CSMD3: variants seen among roughly 807,000 people sequenced by gnomAD.
The protein encoded by CSMD3 is CUB and Sushi multiple domains 3, also known as CUB and sushi domain-containing protein 3.
In CSMD3, 177 loss-of-function variants were observed where a neutral mutation model predicts 435.2. The observed-to-expected ratio is 0.41, with a 90% CI of 0.36 to 0.46. The LOEUF is 0.46. Among genes scored for constraint, CSMD3 ranks in the 20% least tolerant of loss-of-function variants. The pLI, the probability that CSMD3 is intolerant of heterozygous loss-of-function variation, is 0.34. For missense variants in CSMD3, 4,265 were observed against 4,504.6 expected (o/e 0.95, Z 1.52); for synonymous variants, 1,656 against 1,520.5 (o/e 1.09, Z -2.07).
chr8:112,912,884 T>C (rs1274995081), intron 10 of CSMD3, among the ~76,000 whole-genome samples: 3 of 151,818 alleles, frequency 2.0e-5, no homozygotes, highest in Non-Finnish European at 4.4e-5. Context: ...AACAACTCAA[T>C]TAAGAATGGA....
chr8:112,408,801 T>G, intron 33 of CSMD3, 118 bp downstream of exon 33: 1 of 1,525,050 alleles, frequency 6.6e-7, no homozygotes, highest in Non-Finnish European at 8.9e-7. Context: ...AAGGTGACAC[T>G]ATTTTCAGTT....
intron 32 of CSMD3, among the ~76,000 whole-genome samples, chr8:112,420,043 T>G (rs1812312077): frequency 6.6e-6 from 1 of 152,204 alleles, no homozygotes; most frequent in Non-Finnish European, 1.5e-5. Context: ...TCATATTTTT[T>G]TTTACACATT....
At position 113,368,205 on chromosome 8, in the gene CSMD3, T is replaced by G. The variant is rs545227557; in HGVS notation, c.179-53412A>C. Among the ~76,000 whole-genome samples the G allele has an allele frequency of 3.9e-5, 6 of 152,268 alleles. No homozygotes were observed. In the East Asian group the frequency reaches 9.7e-4, roughly 25 times the overall value. ...TAAAGCAATACTTTCCCCTTTTGAC[T>G]AATACTAACTCACCTTCCCAGCTGT... On this transcript the variant is annotated intron_variant, in intron 1 of 70. Coordinates refer to ENST00000297405, the MANE Select transcript of CSMD3 (RefSeq NM_198123.2).
intron 47 of CSMD3, among the ~76,000 whole-genome samples, chr8:112,317,706 AC>A (rs1042066124): frequency 1.3e-5 from 2 of 151,904 alleles, no homozygotes; most frequent in Non-Finnish European, 2.9e-5. Context: ...TCCAATTTAT[AC>A]CCCCACACCC....
At chr8:112,506,463 C>A (rs190821769) in intron 29 of CSMD3, among the ~76,000 whole-genome samples, 2 of 152,040 alleles carry the variant, frequency 1.3e-5, no homozygotes, top group Admixed American at 6.6e-5. Flanking sequence ...TTTTGTGATG[C>A]CAGCTGTTAG....
chr8:112,509,402 T>C (rs879449380), intron 28 of CSMD3, among the ~76,000 whole-genome samples: 3 of 152,176 alleles, frequency 2.0e-5, no homozygotes, highest in Non-Finnish European at 4.4e-5. Flanking sequence ...TAGATGTCTT[T>C]ATATGGTCCT....
At chr8:112,896,744 T>C (rs150834110) in intron 10 of CSMD3, among the ~76,000 whole-genome samples, 7 of 151,506 alleles carry the variant, frequency 4.6e-5, no homozygotes, top group Non-Finnish European at 1.0e-4. Context: ...TTTCCACTTA[T>C]ATTTGGTTCC....
At chr8:112,773,140 C>T (rs1042543877) in intron 13 of CSMD3, among the ~76,000 whole-genome samples, 1 of 151,652 alleles carries the variant, frequency 6.6e-6, no homozygotes, top group Non-Finnish European at 1.5e-5. Context: ...GGGCAACCCA[C>T]CCGTTCAAAA....
intron 2 of CSMD3, among the ~76,000 whole-genome samples, chr8:113,296,315 A>AATG (rs1448861217): frequency 6.6e-6 from 1 of 150,788 alleles, no homozygotes; most frequent in African/African-American, 2.4e-5. Context: ...TAATAATAAT[A>AATG]ATAGAACAGC....
At chr8:113,018,760 G>C (rs545424336) in intron 6 of CSMD3, 2 of 320,552 alleles carry the variant, frequency 6.2e-6, no homozygotes, top group Admixed American at 4.5e-5. Flanking sequence ...AGTGATTTGC[G>C]GTACAACTTC....
At chr8:112,559,393 G>A (rs1828413169) in intron 24 of CSMD3, among the ~76,000 whole-genome samples, 1 of 151,820 alleles carries the variant, frequency 6.6e-6, no homozygotes, top group Non-Finnish European at 1.5e-5. Context: ...CACCTTCCAG[G>A]AGAGGAGAGA....
chr8:112,922,437 T>G (rs1363156077), intron 9 of CSMD3, among the ~76,000 whole-genome samples: 1 of 152,032 alleles, frequency 6.6e-6, no homozygotes, highest in Non-Finnish European at 1.5e-5. Context: ...TATCTTGTTA[T>G]GCTATCAAAT....
rs768860207 is a variant in CSMD3 at position 112,346,230 on chromosome 8, A to G, written c.6326-17T>C. 4 of 1,427,292 alleles carry G rather than the reference A, an allele frequency of 2.8e-6. No individual in the cohort carries two copies. The East Asian group carries it at 6.8e-5, about 24-fold the overall frequency. 88.4% of individuals were successfully genotyped at this position (1,427,292 alleles called of 1,614,324 possible). On this transcript the variant is annotated splice_polypyrimidine_tract_variant and intron_variant, in intron 40 of 70. Coordinates refer to ENST00000297405, the MANE Select transcript of CSMD3 (RefSeq NM_198123.2). ...CACACTGAGCTGCAAAATAACAGAA[A>G]TCCAAAGTAAACCAGAGTAGAGGAA...
chr8:113,145,027 T>C (rs1193256770), intron 4 of CSMD3, among the ~76,000 whole-genome samples: 2 of 151,480 alleles, frequency 1.3e-5, no homozygotes, highest in Non-Finnish European at 3.0e-5. Flanking sequence ...GGTGAGTGAT[T>C]TGTCAAATGT....
intron 5 of CSMD3, among the ~76,000 whole-genome samples, chr8:113,037,612 A>C (rs1302591031): frequency 6.6e-6 from 1 of 152,186 alleles, no homozygotes; most frequent in Non-Finnish European, 1.5e-5. Flanking sequence ...TTTTATTTGA[A>C]AAAATGACAA....
intron 32 of CSMD3, among the ~76,000 whole-genome samples, chr8:112,461,204 A>C (rs2130678516): frequency 6.6e-6 from 1 of 152,306 alleles, no homozygotes; most frequent in South Asian, 2.1e-4. Context: ...GGATAGTGTC[A>C]GAAATGATGA....
chr8:112,286,147 T>C (rs1200389625), intron 58 of CSMD3, among the ~76,000 whole-genome samples: 3 of 152,200 alleles, frequency 2.0e-5, no homozygotes. Context: ...ATAATACTTC[T>C]GTATGTTTCT....
chr8:113,022,885 A>G (rs555438161), intron 5 of CSMD3, among the ~76,000 whole-genome samples: 46 of 145,710 alleles, frequency 3.2e-4, no homozygotes, highest in Admixed American at 2.1e-3. Context: ...TTTGCAAAAA[A>G]TTTTTAGTTC....
intron 1 of CSMD3, among the ~76,000 whole-genome samples, chr8:113,406,907 T>C (rs972499775): frequency 2.0e-5 from 3 of 152,102 alleles, no homozygotes; most frequent in Non-Finnish European, 4.4e-5. Context: ...CTGTAGTTTA[T>C]TGTTAAATTT....
Sources: gnomAD v4.1 joint callset for allele counts (sites outside exome capture counted in the v4.1 genomes callset) on GRCh38, gnomAD v4.1.1 for gene constraint, MANE v1.5 for transcripts, NCBI Gene and HGNC (gene_info 2026-07-23, HGNC 2026-07-21) for gene names.